The following FARS2 variants were observed in gnomAD, a reference collection of about 807,000 sequenced individuals.
FARS2 encodes the protein phenylalanyl-tRNA synthetase 2, mitochondrial.
In FARS2, 40 loss-of-function variants were observed where a neutral mutation model predicts 46.4. The observed-to-expected ratio is 0.86, with a 90% CI of 0.67 to 1.12. The LOEUF (loss-of-function observed/expected upper bound fraction) is 1.12. Ranked by LOEUF, FARS2 falls within the 50% of genes most tolerant of loss-of-function variation. The pLI is 0.00. For synonymous variants in FARS2, 234 were observed against 214.9 expected (o/e 1.09, Z -0.78); for missense variants, 513 against 567.9 (o/e 0.90, Z 0.98).
chr6:5,527,092 A>T (rs554716959), intron 4 of FARS2, among the ~76,000 whole-genome samples: 1 of 152,268 alleles, frequency 6.6e-6, no homozygotes, highest in Non-Finnish European at 1.5e-5. Context: ...AGATATACAT[A>T]AAAGTTATTC....
At chr6:5,472,069 G>A (rs1561644165) in intron 4 of FARS2, among the ~76,000 whole-genome samples, 1 of 152,126 alleles carries the variant, frequency 6.6e-6, no homozygotes, top group Non-Finnish European at 1.5e-5. Flanking sequence ...AAACAAGGCT[G>A]TGTTATAAAG....
At chr6:5,534,427 A>G (rs1480350850) in intron 4 of FARS2, among the ~76,000 whole-genome samples, 39 of 152,194 alleles carry the variant, frequency 2.6e-4, no homozygotes, top group Non-Finnish European at 4.4e-5. Context: ...CCCATTAAGC[A>G]TTAACTCCCC....
At chr6:5,479,680 G>T (rs1392025116) in intron 4 of FARS2, among the ~76,000 whole-genome samples, 1 of 152,152 alleles carries the variant, frequency 6.6e-6, no homozygotes. Flanking sequence ...AAAGCCCTGT[G>T]CAGTGACCCA....
chr6:5,472,217 AC>A (rs1765845309), intron 4 of FARS2, among the ~76,000 whole-genome samples: 1 of 152,128 alleles, frequency 6.6e-6, no homozygotes, highest in African/African-American at 2.4e-5. Context: ...GCCGCATGTC[AC>A]TGGGGTTTAG....
intron 2 of FARS2, among the ~76,000 whole-genome samples, chr6:5,391,648 T>G (rs1420106024): frequency 6.6e-6 from 1 of 152,164 alleles, no homozygotes; most frequent in Non-Finnish European, 1.5e-5. Flanking sequence ...CTTGAAAATC[T>G]ACTATCATCC....
chr6:5,509,423 G>A (rs1191667815), intron 4 of FARS2, among the ~76,000 whole-genome samples: 1 of 152,228 alleles, frequency 6.6e-6, no homozygotes, highest in African/African-American at 2.4e-5. Context: ...TGATGAAAAT[G>A]TCACAAAGAA....
intron 1 of FARS2, among the ~76,000 whole-genome samples, chr6:5,281,819 C>T (rs1766749394): frequency 1.3e-5 from 2 of 152,322 alleles, no homozygotes; most frequent in South Asian, 4.1e-4. Flanking sequence ...GTAGACACTT[C>T]TCGAGGACCT....
intron 4 of FARS2, among the ~76,000 whole-genome samples, chr6:5,527,117 C>T (rs1382422455): frequency 6.6e-6 from 1 of 152,214 alleles, no homozygotes; most frequent in Non-Finnish European, 1.5e-5. Context: ...GCTATATCCA[C>T]TGTTTTTTTC....
chr6:5,754,147 C>T (rs1382610778), intron 6 of FARS2, among the ~76,000 whole-genome samples: 1 of 152,202 alleles, frequency 6.6e-6, no homozygotes, highest in African/African-American at 2.4e-5. Flanking sequence ...ATCTCATACA[C>T]ATATATCTAT....
At chr6:5,390,444 G>A (rs142246428) in intron 2 of FARS2, among the ~76,000 whole-genome samples, 3 of 152,186 alleles carry the variant, frequency 2.0e-5, no homozygotes, top group East Asian at 3.9e-4. Flanking sequence ...GTAACCACAG[G>A]GACTGCTCAA....
At chr6:5,256,692 T>A (rs1225074318), upstream of FARS2, among the ~76,000 whole-genome samples, 1 of 151,880 alleles carries the variant, frequency 6.6e-6, no homozygotes, top group African/African-American at 2.4e-5. Flanking sequence ...TGCTCATCAC[T>A]CCTCTGAGCT....
chr6:5,597,103 C>A (rs1300214771), intron 5 of FARS2, among the ~76,000 whole-genome samples: 5 of 152,120 alleles, frequency 3.3e-5, no homozygotes, highest in Non-Finnish European at 7.4e-5. Context: ...GCACTGCTGC[C>A]CTGGACGGAA....
At chr6:5,319,105 G>GC (rs1409464336) in intron 1 of FARS2, among the ~76,000 whole-genome samples, 4 of 152,162 alleles carry the variant, frequency 2.6e-5, no homozygotes, top group South Asian at 2.1e-4. Flanking sequence ...AGGTGGAGAG[G>GC]CCCCCTGTGC....
At chr6:5,590,136 G>A (rs1773831534) in intron 5 of FARS2, among the ~76,000 whole-genome samples, 3 of 152,216 alleles carry the variant, frequency 2.0e-5, no homozygotes, top group African/African-American at 7.2e-5. Context: ...AGTAATGTTA[G>A]ATAATGTATT....
At chr6:5,490,499 T>G (rs981887229) in intron 4 of FARS2, among the ~76,000 whole-genome samples, 1 of 152,252 alleles carries the variant, frequency 6.6e-6, no homozygotes, top group African/African-American at 2.4e-5. Context: ...ACTGTACCAT[T>G]TTGTATTCCC....
intron 6 of FARS2, among the ~76,000 whole-genome samples, chr6:5,705,516 C>T (rs925739459): frequency 1.3e-5 from 2 of 152,160 alleles, no homozygotes; most frequent in African/African-American, 4.8e-5. Context: ...CTCCTTACCT[C>T]GATTCACCCT....
At position 5,317,673 on chromosome 6, in the gene FARS2, G is replaced by A. The variant is rs556623255; in HGVS notation, c.-21-50877G>A. 5.3e-5 allele frequency among the ~76,000 whole-genome samples: 8 copies of A among 152,118 alleles called. No homozygotes were observed. In the East Asian group the frequency reaches 5.8e-4, roughly 11 times the overall value. On this transcript the variant is annotated intron_variant, in intron 1 of 6. Coordinates refer to ENST00000274680, the MANE Select transcript of FARS2 (RefSeq NM_006567.5). ...TGCGGGCCTGAAGTTGCAGCTACTC[G>A]GAGGGCGGAGGCGGGAGAATCTCTT... is the stretch of plus-strand genomic sequence containing the variant.
intron 1 of FARS2, among the ~76,000 whole-genome samples, chr6:5,310,302 T>C (rs1412659892): frequency 1.3e-5 from 2 of 152,100 alleles, no homozygotes; most frequent in African/African-American, 4.8e-5. Context: ...TGAGTAGATT[T>C]ATTAATAATT....
At chr6:5,587,550 CTG>C (rs1215736822) in intron 5 of FARS2, among the ~76,000 whole-genome samples, 4 of 152,282 alleles carry the variant, frequency 2.6e-5, no homozygotes, top group Non-Finnish European at 5.9e-5. Flanking sequence ...ATATTTCATG[CTG>C]TGTTTCTGGC....
Sources: allele counts gnomAD v4.1 joint callset (sites outside exome capture counted in the v4.1 genomes callset), GRCh38; gene constraint gnomAD v4.1.1; transcripts MANE v1.5; gene names NCBI Gene and HGNC (gene_info 2026-07-23, HGNC 2026-07-21).